CFAP74: variants seen among roughly 807,000 people sequenced by gnomAD.
CFAP74 encodes the protein cilia- and flagella-associated protein 74.
A neutral mutation model predicts 188.9 loss-of-function variants in CFAP74; 124 were observed. The ratio of observed to expected loss-of-function variants is 0.66; its 90% CI spans 0.57 to 0.76. The LOEUF (loss-of-function observed/expected upper bound fraction) is 0.76, where lower values mean the gene tolerates loss of function less well. CFAP74 is among the 30% of genes least tolerant of loss of function. CFAP74 has a pLI of 0.00. For synonymous variants in CFAP74, 956 were observed against 916.7 expected (o/e 1.04, Z -0.77); for missense variants, 2,198 against 2,165.2 (o/e 1.02, Z -0.30).
At chr1:1,927,448 AG>A (rs1651996626) in intron 28 of CFAP74, 158 bp downstream of exon 28, 1 of 711,118 alleles carries the variant, frequency 1.4e-6, no homozygotes, top group Non-Finnish European at 2.3e-6. Flanking sequence ...GGTCCCAGGA[AG>A]GCAGCACCTG....
At chr1:1,939,790 G>T (rs917470313) in intron 23 of CFAP74, 23 bp from the exon 24 acceptor site, 1 of 1,526,096 alleles carries the variant, frequency 6.6e-7, no homozygotes, top group South Asian at 1.2e-5. Flanking sequence ...GGGCACAGGC[G>T]CCCTCGCAGC....
rs563942669 is a variant in CFAP74 at position 1,975,138 on chromosome 1, T to C, written c.501-940A>G. Among the ~76,000 whole-genome samples, 2 of 152,354 alleles carry C rather than the reference T, an allele frequency of 1.3e-5. No homozygotes were observed. The highest frequency in any genetic ancestry group is 4.8e-5 in the African/African-American group (2 of 41,588). On this transcript the variant is annotated intron_variant, in intron 6 of 38. Transcript: ENST00000682832. The surrounding 1 kb of genome is among the most constrained non-coding windows in gnomAD (Gnocchi z 4.5). ...TCTGTCCTAGACACCCGCGATCATGTTCATTTCCACTTCGTCTTTCGTTAA... is the reference window on the plus strand; with the variant it reads ...TCTGTCCTAGACACCCGCGATCATGCTCATTTCCACTTCGTCTTTCGTTAA...
At chr1:1,951,433 C>T (rs926899851) in intron 18 of CFAP74, among the ~76,000 whole-genome samples, 3 of 152,186 alleles carry the variant, frequency 2.0e-5, no homozygotes, top group African/African-American at 7.2e-5. Flanking sequence ...CAAGCAATTA[C>T]TTTTGCACCT....
At chr1:1,938,351 C>G (rs905045745) in intron 25 of CFAP74, among the ~76,000 whole-genome samples, 1 of 151,536 alleles carries the variant, frequency 6.6e-6, no homozygotes, top group Admixed American at 6.6e-5. Flanking sequence ...CACACGCTCA[C>G]TCACATGCAA....
chr1:1,970,692 T>A lies in CFAP74; in HGVS notation c.1013A>T (p.Gln338Leu). ...GRDAFRHLVH[Q>L]RRRQELEAQK... The stretch of plus-strand genomic sequence containing the variant: ...GGCCTCCAGCTCCTGGCGCCGGCGC[T>A]GGTGGACAAGGTGCCTGAATGCATC... The change falls in exon 10 of 39, where the codon CAG becomes CTG. Residue 338 changes from glutamine to leucine, a missense_variant. Gln to Leu is a moderately radical substitution (Grantham distance 113). Transcript: ENST00000682832. 1 of 1,613,440 alleles carries A rather than the reference T, an allele frequency of 6.2e-7. No homozygotes were observed. Among genetic ancestry groups the A allele is most frequent in the Non-Finnish European group, 8.5e-7 (1 of 1,179,724 alleles).
chr1:1,968,785 C>G lies in CFAP74; in HGVS notation c.1095G>C (p.Arg365=), dbSNP rs201517261. The G allele has an allele frequency of 3.1e-6, 5 of 1,614,016 alleles. No homozygotes were observed. Among genetic ancestry groups the G allele is most frequent in the Non-Finnish European group, 4.2e-6 (5 of 1,180,000 alleles). ...QKLRKQEIIS[R]ILKEEAEEEK... is the part of the protein sequence containing the mutation. ...CCTCCTCAGCCTCCTCTTTCAGAAT[C>G]CGACTGATGATCTCCTGCTTTCTGA... The change falls in exon 11 of 39, where the codon CGG becomes CGC. Residue 365 remains arginine (R), a synonymous_variant. Transcript: ENST00000682832. This position sits in a 1 kb window ranked among gnomAD's most constrained non-coding sequence, Gnocchi z 4.3.
chr1:1,957,759 C>A (rs922687494), intron 16 of CFAP74, among the ~76,000 whole-genome samples: 31 of 142,222 alleles, frequency 2.2e-4, no homozygotes, highest in African/African-American at 9.2e-4. Flanking sequence ...CGGAGCCTGG[C>A]TGTCTGCGGG....
At chr1:1,971,400 G>T (rs1383014581) in intron 9 of CFAP74, among the ~76,000 whole-genome samples, 2 of 147,062 alleles carry the variant, frequency 1.4e-5, no homozygotes, top group South Asian at 2.2e-4. Flanking sequence ...TGCACACACG[G>T]TCACACATGC....
rs552864219 is a variant in CFAP74 at position 2,001,369 on chromosome 1, G to A, written c.-20+2332C>T. Among the ~76,000 whole-genome samples the A allele has an allele frequency of 2.9e-3, 428 of 149,740 alleles. 2 individuals carry two copies. Among genetic ancestry groups the A allele is most frequent in the African/African-American group, 0.01 (408 of 40,560 alleles). On this transcript the variant is annotated intron_variant, in intron 1 of 38. Coordinates refer to ENST00000682832, the MANE Select transcript of CFAP74 (RefSeq NM_001304360.2). The stretch of plus-strand genomic sequence containing the variant: ...TTTTGAGACGGAGTCTCGCTCTGTC[G>A]CCCAGGCTGGAGTGCAGTGGCGCAG...
At chr1:1,955,120 T>C (rs1654486423) in intron 18 of CFAP74, 2 of 1,285,028 alleles carry the variant, frequency 1.6e-6, no homozygotes, top group African/African-American at 1.5e-5. Flanking sequence ...AGCTCCGCGC[T>C]GAGCTGCAGG....
intron 25 of CFAP74, among the ~76,000 whole-genome samples, chr1:1,936,881 T>C (rs1209266832): frequency 6.8e-6 from 1 of 147,810 alleles, no homozygotes; most frequent in Non-Finnish European, 1.5e-5. Flanking sequence ...CATTCAAGCC[T>C]GGGTGACAGA....
Position 1,927,718 on chromosome 1 carries a change from T to C in CFAP74, c.3416A>G (p.Lys1139Arg), listed in dbSNP as rs1184062928. 6.5e-7 allele frequency: 1 copy of C among 1,550,090 alleles called. No homozygotes were observed. Among genetic ancestry groups the C allele is most frequent in the Admixed American group, 2.0e-5 (1 of 50,998 alleles). The change falls in exon 28 of 39, where the codon AAG (lysine) becomes AGG (arginine). Residue 1139 changes from lysine to arginine, a missense_variant. Lys to Arg is a conservative substitution (Grantham distance 26). Transcript: ENST00000682832. ...GGAGAATGACAGTCCATGCAGGTCC[T>C]TCCTCTGGGGGGCCATATTCTTTCG... The part of the protein sequence containing the change: ...SFRKNMAPQR[K>R]DLHGLSFSVL...
rs28502207 is a variant in CFAP74 at position 1,963,269 on chromosome 1, G to A, written c.1694+480C>T. The stretch of plus-strand genomic sequence containing the variant: ...AGTTCGAGACCAGCCTGGGCAACAT[G>A]GTAAAACCCGGTCTCTACTAAAAAT... On this transcript the variant is annotated intron_variant, in intron 14 of 38. Transcript: ENST00000682832. Among the ~76,000 whole-genome samples the A allele has an allele frequency of 3.7e-3, 562 of 152,076 alleles. 2 individuals carry two copies. Among genetic ancestry groups the A allele is most frequent in the African/African-American group, 0.013 (529 of 41,470 alleles).
intron 9 of CFAP74, among the ~76,000 whole-genome samples, chr1:1,971,167 GCACACCTGCA>G (rs988665507): frequency 6.7e-6 from 1 of 148,706 alleles, no homozygotes; most frequent in Non-Finnish European, 1.5e-5. Flanking sequence ...GGACACACAT[GCACACCTGCA>G]CACACGTGCA....
rs1209384180 is a variant in CFAP74, at chr1:1,981,371, CG to C, written c.500+4014del. Among the ~76,000 whole-genome samples, 4 of 152,110 alleles carry C rather than the reference CG, an allele frequency of 2.6e-5. No homozygotes were observed. The East Asian group carries it at 7.7e-4, about 29-fold the overall frequency. On this transcript the variant is annotated intron_variant, in intron 6 of 38. Coordinates refer to ENST00000682832, the MANE Select transcript of CFAP74 (RefSeq NM_001304360.2). Reference sequence around the variant, plus strand: ...ACCCAGCGGGAAAGCGCCTGGAACCCGGGGACCCTCGGGGGCTGGCACAGCC... The same window carrying C: ...ACCCAGCGGGAAAGCGCCTGGAACCCGGGACCCTCGGGGGCTGGCACAGCC...
chr1:1,975,507 A>G lies in CFAP74; in HGVS notation c.501-1309T>C, dbSNP rs563421447. Among the ~76,000 whole-genome samples the G allele has an allele frequency of 1.4e-4, 22 of 152,168 alleles. No individual in the cohort carries two copies. Among genetic ancestry groups the G allele is most frequent in the African/African-American group, 4.8e-4 (20 of 41,520 alleles). ...TCGGGTTCTACTTTCCCTCTCTCGT[A>G]CGCCCACTTGGTTTTGGCATCGAGG... is the stretch of plus-strand genomic sequence containing the variant. On this transcript the variant is annotated intron_variant, in intron 6 of 38. Transcript: ENST00000682832. This position sits in a 1 kb window ranked among gnomAD's most constrained non-coding sequence, Gnocchi z 4.5.
intron 5 of CFAP74, among the ~76,000 whole-genome samples, chr1:1,985,770 C>T (rs1376353078): frequency 6.6e-6 from 1 of 152,230 alleles, no homozygotes; most frequent in Non-Finnish European, 1.5e-5. Context: ...GGGGCAGCAG[C>T]CATCCAGGCC....
chr1:1,993,895 T>C (rs1458047656), intron 1 of CFAP74, among the ~76,000 whole-genome samples: 2 of 150,618 alleles, frequency 1.3e-5, no homozygotes, highest in Non-Finnish European at 3.0e-5. Flanking sequence ...GGCAGGAGAA[T>C]GGCGTGAACC....
At chr1:2,000,348 C>T (rs147884597) in intron 1 of CFAP74, among the ~76,000 whole-genome samples, 11 of 152,324 alleles carry the variant, frequency 7.2e-5, no homozygotes, top group South Asian at 2.1e-4. Flanking sequence ...CCCTAACACG[C>T]GCATGGGTTC....
Sources: allele counts gnomAD v4.1 joint callset (sites outside exome capture counted in the v4.1 genomes callset), GRCh38; gene constraint gnomAD v4.1.1; non-coding constraint Gnocchi (gnomAD v3.1); transcripts MANE v1.5; gene names NCBI Gene and HGNC (gene_info 2026-07-23, HGNC 2026-07-21).